Variants in RNF220 observed in about 807,000 individuals in gnomAD.
RNF220 encodes the protein E3 ubiquitin-protein ligase RNF220.
In RNF220, 7 loss-of-function variants were observed where a neutral mutation model predicts 67.1. The observed-to-expected ratio is 0.10, with a 90% CI of 0.06 to 0.20. The LOEUF is 0.20. Ranked by LOEUF, RNF220 falls within the 10% of genes least tolerant of loss-of-function variation. RNF220 has a pLI of 1.00. For missense variants in RNF220, 565 were observed against 740.3 expected (o/e 0.76, Z 2.75); for synonymous variants, 270 against 283.2 (o/e 0.95, Z 0.47).
At chr1:44,548,778 C>CTAAAG (rs1662381982) in intron 2 of RNF220, among the ~76,000 whole-genome samples, 1 of 152,220 alleles carries the variant, frequency 6.6e-6, no homozygotes, top group African/African-American at 2.4e-5. Context: ...AGGCGTGAGC[C>CTAAAG]ACTGCGCCCA....
At chr1:44,635,909 C>T in intron 7 of RNF220, 121 bp from the exon 8 acceptor site, 3 of 1,528,164 alleles carry the variant, frequency 2.0e-6, no homozygotes, top group Non-Finnish European at 2.7e-6. Context: ...CAAAGGAGCC[C>T]TAGAGCTGAG....
intron 2 of RNF220, among the ~76,000 whole-genome samples, chr1:44,594,996 T>G (rs1666372107): frequency 6.6e-6 from 1 of 152,194 alleles, no homozygotes. Flanking sequence ...GCAGAGCCAG[T>G]GCCTCCCCAC....
At chr1:44,617,034 G>A (rs1403337998) in intron 3 of RNF220, among the ~76,000 whole-genome samples, 3 of 152,080 alleles carry the variant, frequency 2.0e-5, no homozygotes, top group African/African-American at 7.2e-5. Context: ...GCTTCTCACG[G>A]CTATGTCTTG....
In RNF220 at chr1:44,494,121, G is replaced by A. The variant is rs549134770; in HGVS notation, c.625+81399G>A. On this transcript the variant is annotated intron_variant, in intron 2 of 14. Transcript: ENST00000361799. ...CTTGGGAGGCTGAGGCAGGAGAATCGCTTGAACTCAGGAGGCGGAGGTTGC... is the reference window on the plus strand; with the variant it reads ...CTTGGGAGGCTGAGGCAGGAGAATCACTTGAACTCAGGAGGCGGAGGTTGC... Among the ~76,000 whole-genome samples, 129 of 149,942 alleles carry A rather than the reference G, an allele frequency of 8.6e-4. 1 individual carries two copies. Among genetic ancestry groups the A allele is most frequent in the African/African-American group, 3.0e-3 (123 of 40,706 alleles).
intron 2 of RNF220, among the ~76,000 whole-genome samples, chr1:44,467,057 T>G (rs773078031): frequency 6.6e-6 from 1 of 152,248 alleles, no homozygotes; most frequent in Non-Finnish European, 1.5e-5. Context: ...CATTGTTTAG[T>G]GCAGCCACCT....
intron 2 of RNF220, among the ~76,000 whole-genome samples, chr1:44,425,358 A>G (rs983009445): frequency 6.6e-6 from 1 of 152,088 alleles, no homozygotes; most frequent in African/African-American, 2.4e-5. Context: ...GACTCCATCT[A>G]GCGTGTCCCC....
intron 2 of RNF220, among the ~76,000 whole-genome samples, chr1:44,572,265 G>A (rs1368430932): frequency 6.6e-6 from 1 of 152,226 alleles, no homozygotes; most frequent in Non-Finnish European, 1.5e-5. Context: ...CTAGGTGGCA[G>A]AAATCATCTC....
intron 2 of RNF220, among the ~76,000 whole-genome samples, chr1:44,513,259 C>G (rs1176730625): frequency 1.3e-5 from 2 of 152,202 alleles, no homozygotes; most frequent in Admixed American, 1.3e-4. Context: ...AAATAACTTA[C>G]CCAAAAGGGG....
At chr1:44,488,727 C>CTTTTTT (rs55968850) in intron 2 of RNF220, among the ~76,000 whole-genome samples, 401 of 102,176 alleles carry the variant, frequency 3.9e-3, no homozygotes, top group Non-Finnish European at 4.9e-3. Context: ...TTTCTTTTTT[C>CTTTTTT]TTTTTTTTTT....
chr1:44,548,109 T>C (rs778025124), intron 2 of RNF220, among the ~76,000 whole-genome samples: 1 of 152,258 alleles, frequency 6.6e-6, no homozygotes, highest in Non-Finnish European at 1.5e-5. Context: ...ATCCCCCATG[T>C]CTCGTTAGTC....
rs1298596575 is a variant in RNF220 at position 44,645,034 on chromosome 1, G to T, written c.1263G>T (p.Glu421Asp). ...EADVIPCTGE[E>D]PGEAKEREAL... ...ATGTCATCCCCTGCACAGGCGAGGA[G>T]CCTGGTGAAGCCAAGGAGAGAGAGG... Residue 421 changes from glutamate (E) to aspartate (D), a missense_variant, in exon 10 of 15, where the codon GAG becomes GAT. Glu to Asp is a conservative substitution (Grantham distance 45, BLOSUM62 2). Transcript: ENST00000361799. The surrounding 1 kb of genome is among the most constrained non-coding windows in gnomAD (Gnocchi z 5.0). 1.2e-6 allele frequency: 2 copies of T among 1,614,128 alleles called. No individual in the cohort carries two copies. Among genetic ancestry groups the T allele is most frequent in the East Asian group, 2.2e-5 (1 of 44,868 alleles).
Position 44,650,824 on chromosome 1 carries a change from A to G in RNF220, c.*49A>G, listed in dbSNP as rs1429588958. On this transcript the variant is annotated 3_prime_UTR_variant, in exon 15 of 15. Transcript: ENST00000361799. The surrounding 1 kb of genome is among the most constrained non-coding windows in gnomAD (Gnocchi z 4.3). ...GCCTCCAGCAGCCCCACCTGCCCCC[A>G]GCCTCTGTGACAGTGACCGTCTCCC... is the stretch of plus-strand genomic sequence containing the variant. The G allele has an allele frequency of 6.4e-7, 1 of 1,551,372 alleles. No homozygotes were observed. The highest frequency in any genetic ancestry group is 2.2e-5 in the East Asian group (1 of 44,604).
chr1:44,441,698 T>A (rs1038058414), intron 2 of RNF220, among the ~76,000 whole-genome samples: 2 of 152,200 alleles, frequency 1.3e-5, no homozygotes, highest in East Asian at 3.9e-4. Flanking sequence ...AGAAGGTTAG[T>A]GATCTCAGTT....
chr1:44,650,386 C>G lies in RNF220; in HGVS notation c.1630-318C>G, dbSNP rs542526341. The G allele has an allele frequency of 8.4e-6, 4 of 474,222 alleles. No individual in the cohort carries two copies. The East Asian group carries it at 1.5e-4, about 18-fold the overall frequency. The allele number at this position is 474,222 out of a possible 1,614,324, so 29.4% of individuals were successfully genotyped here. A position where few individuals can be genotyped will look rare whatever the true frequency, so the allele number is the denominator to read the frequency against. On this transcript the variant is annotated intron_variant, in intron 14 of 14. Transcript: ENST00000361799. The surrounding 1 kb of genome is among the most constrained non-coding windows in gnomAD (Gnocchi z 4.3). Reference sequence around the variant, plus strand: ...CGCCCGGAGACAGTAATAAAAGGCTCGGACGTGGGCTCTGTGTCCTGATCA... The same window carrying G: ...CGCCCGGAGACAGTAATAAAAGGCTGGGACGTGGGCTCTGTGTCCTGATCA...
At chr1:44,494,382 A>G (rs1657140870) in intron 2 of RNF220, among the ~76,000 whole-genome samples, 1 of 152,224 alleles carries the variant, frequency 6.6e-6, no homozygotes, top group Admixed American at 6.5e-5. Flanking sequence ...AACTAGAGAT[A>G]TTCTCAGACA....
chr1:44,548,079 G>A (rs1203416562), intron 2 of RNF220, among the ~76,000 whole-genome samples: 1 of 152,112 alleles, frequency 6.6e-6, no homozygotes, highest in Non-Finnish European at 1.5e-5. Flanking sequence ...CATCCTCACC[G>A]TCTTCTCTCT....
At chr1:44,506,416 T>C (rs936448679) in intron 2 of RNF220, among the ~76,000 whole-genome samples, 1 of 152,372 alleles carries the variant, frequency 6.6e-6, no homozygotes, top group African/African-American at 2.4e-5. Flanking sequence ...GGCCGCCATG[T>C]GCCATACACA....
intron 2 of RNF220, among the ~76,000 whole-genome samples, chr1:44,520,112 TGTGTGTGTGTGTGTGTGA>T (rs1286446678): frequency 7.1e-6 from 1 of 140,134 alleles, no homozygotes; most frequent in Admixed American, 7.6e-5. Context: ...TGTGTGTGTG[TGTGTGTGTGTGTGTGTGA>T]GAGAGAGAGA....
chr1:44,638,378 A>C (rs72671954), intron 8 of RNF220: 41,497 of 152,306 alleles, frequency 0.27, 6,324 homozygotes, highest in South Asian at 0.36. Context: ...GCTGCCCAGC[A>C]GACTTCAGAG....
Sources: gnomAD v4.1 joint callset for allele counts (sites outside exome capture counted in the v4.1 genomes callset) on GRCh38, gnomAD v4.1.1 for gene constraint, Gnocchi (gnomAD v3.1) non-coding constraint, MANE v1.5 for transcripts, NCBI Gene and HGNC (gene_info 2026-07-23, HGNC 2026-07-21) for gene names.